PRPF4: variants seen among roughly 807,000 people sequenced by gnomAD.
The protein encoded by PRPF4 is pre-mRNA splicing tri-snRNP complex factor PRPF4.
Under a neutral mutation model 72.2 loss-of-function variants are expected in PRPF4, and 14 were observed. The ratio of observed to expected loss-of-function variants is 0.19; its 90% CI spans 0.13 to 0.30. The LOEUF is 0.30. PRPF4 is among the 10% of genes least tolerant of loss of function. The pLI, the probability that PRPF4 is intolerant of heterozygous loss-of-function variation, is 1.00. For missense variants in PRPF4, 478 were observed against 653.9 expected (o/e 0.73, Z 2.93); for synonymous variants, 225 against 232.2 (o/e 0.97, Z 0.28).
At chr9:113,289,079 C>T (rs1278839148) in intron 10 of PRPF4, among the ~76,000 whole-genome samples, 1 of 152,220 alleles carries the variant, frequency 6.6e-6, no homozygotes, top group Non-Finnish European at 1.5e-5. Flanking sequence ...GCTGATCTGA[C>T]TTCTATCACC....
Position 113,292,640 on chromosome 9 carries a change from C to T in PRPF4, c.*980C>T, listed in dbSNP as rs534354204. On this transcript the variant is annotated 3_prime_UTR_variant, in exon 14 of 14. Transcript: ENST00000374198. ...GAAGTTTGGCAACCTTCATGTTACCCCAAAGCAAAACCATTGTGTCAGGAG... is the reference window on the plus strand; with the variant it reads ...GAAGTTTGGCAACCTTCATGTTACCTCAAAGCAAAACCATTGTGTCAGGAG... 2 of 152,170 alleles carry T rather than the reference C, an allele frequency of 1.3e-5. No homozygotes were observed. Among genetic ancestry groups the T allele is most frequent in the African/African-American group, 4.8e-5 (2 of 41,508 alleles). 9.4% of individuals were successfully genotyped at this position (152,170 alleles called of 1,614,324 possible).
At chr9:113,286,134 T>A in intron 7 of PRPF4, 98 bp from the exon 8 acceptor site, 1 of 1,336,550 alleles carries the variant, frequency 7.5e-7, no homozygotes, top group Non-Finnish European at 1.1e-6. Flanking sequence ...GTAAAGTTTA[T>A]TGGGGGTGAG....
chr9:113,289,595 C>T lies in PRPF4; in HGVS notation c.1023-871C>T, dbSNP rs1442412058. 2.0e-5 allele frequency among the ~76,000 whole-genome samples: 3 copies of T among 152,130 alleles called. No homozygotes were observed. The East Asian group carries it at 5.8e-4, about 29-fold the overall frequency. The stretch of plus-strand genomic sequence containing the variant: ...TTGAGTGCTCTGTCATATGCTTTGC[C>T]TGGTTTTTTAAATTGTGTTTGTCTC... On this transcript the variant is annotated intron_variant, in intron 10 of 13. Transcript: ENST00000374198.
chr9:113,287,347 C>T (rs1167221483), intron 9 of PRPF4, among the ~76,000 whole-genome samples: 1 of 152,254 alleles, frequency 6.6e-6, no homozygotes, highest in East Asian at 1.9e-4. Context: ...TAGCAAACAG[C>T]CACAGGGGAG....
chr9:113,280,714 T>C (rs1298487526), intron 3 of PRPF4, among the ~76,000 whole-genome samples: 1 of 152,238 alleles, frequency 6.6e-6, no homozygotes. Flanking sequence ...GCCTTACTCA[T>C]GTCTCCCTTC....
Position 113,286,699 on chromosome 9 carries a change from C to A in PRPF4, c.809-6C>A. 3 of 1,614,144 alleles carry A rather than the reference C, an allele frequency of 1.9e-6. No homozygotes were observed. The highest frequency in any genetic ancestry group is 1.7e-5 in the Admixed American group (1 of 60,014). On this transcript the variant is annotated splice_polypyrimidine_tract_variant and splice_region_variant and intron_variant, in intron 8 of 13. Transcript: ENST00000374198. Reference sequence around the variant, plus strand: ...CTTTTAACTTGCATCTCTTACACTCCTTTAGGGCATAACACAAATGTAGGA... The same window carrying A: ...CTTTTAACTTGCATCTCTTACACTCATTTAGGGCATAACACAAATGTAGGA...
At chr9:113,288,153 TA>T (rs761539531) in intron 9 of PRPF4, 21 bp from the exon 10 acceptor site, 2 of 1,611,228 alleles carry the variant, frequency 1.2e-6, no homozygotes, top group Admixed American at 3.3e-5. Flanking sequence ...TAAAATTGTT[TA>T]TATGTTTGGT....
intron 7 of PRPF4, 48 bp downstream of exon 7, chr9:113,284,437 T>C (rs376738420): frequency 2.0e-6 from 3 of 1,486,156 alleles, no homozygotes; most frequent in Non-Finnish European, 2.8e-6. Context: ...GGGAACAGGC[T>C]CAGGAAGAAA....
intron 7 of PRPF4, among the ~76,000 whole-genome samples, 165 bp downstream of exon 7, chr9:113,284,554 T>C (rs1214816252): frequency 6.6e-6 from 1 of 152,224 alleles, no homozygotes; most frequent in African/African-American, 2.4e-5. Flanking sequence ...TATAATACAA[T>C]GTAGCCTTGG....
At chr9:113,282,100 T>C (rs1259376867) in intron 3 of PRPF4, among the ~76,000 whole-genome samples, 1 of 152,120 alleles carries the variant, frequency 6.6e-6, no homozygotes. Flanking sequence ...TAGTTGAATT[T>C]TGGAAATTTC....
rs567678935 is a variant in PRPF4, at chr9:113,285,553, T to A, written c.750-679T>A. Among the ~76,000 whole-genome samples, 65 of 151,428 alleles carry A rather than the reference T, an allele frequency of 4.3e-4. No individual in the cohort carries two copies. In the East Asian group the frequency reaches 7.2e-3, roughly 17 times the overall value. On this transcript the variant is annotated intron_variant, in intron 7 of 13. Coordinates refer to ENST00000374198, the MANE Select transcript of PRPF4 (RefSeq NM_001244926.2). ...GCCACCGCACCCAGCTAATTTTTTG[T>A]ATTTTTAGTAGAGACAGGGTTTCAC... is the stretch of plus-strand genomic sequence containing the variant.
chr9:113,291,304 C>G (rs1832601623), intron 13 of PRPF4, among the ~76,000 whole-genome samples, 163 bp from the exon 14 acceptor site: 1 of 152,194 alleles, frequency 6.6e-6, no homozygotes, highest in Non-Finnish European at 1.5e-5. Flanking sequence ...TGAATAGATT[C>G]TCGGTCAGGG....
Position 113,283,162 on chromosome 9 carries a change from A to G in PRPF4, c.511A>G (p.Asn171Asp). 6.2e-7 allele frequency: 1 copy of G among 1,614,222 alleles called. No homozygotes were observed. Among genetic ancestry groups the G allele is most frequent in the Non-Finnish European group, 8.5e-7 (1 of 1,180,044 alleles). ...GCAAACCTGGTATCATGAAGGACCA[A>G]ATAGCTTGAAGGTGGCAAGACTATG... ...YQQTWYHEGP[N>D]SLKVARLWIA... The change falls in exon 5 of 14, where the codon AAT becomes GAT. Residue 171 changes from asparagine (N) to aspartate (D), a missense_variant. Transcript: ENST00000374198.
intron 8 of PRPF4, 39 bp downstream of exon 8, chr9:113,286,329 A>AGT (rs1832448674): frequency 6.5e-7 from 1 of 1,541,954 alleles, no homozygotes. Flanking sequence ...TCTTTTTCCC[A>AGT]GTGTGAACTC....
At chr9:113,279,910 G>A (rs74415671) in intron 3 of PRPF4, among the ~76,000 whole-genome samples, 2,567 of 152,270 alleles carry the variant, frequency 0.017, 43 homozygotes, top group Non-Finnish European at 0.025. Context: ...TGCAGGTTGC[G>A]AAGTCTTAGT....
At chr9:113,287,836 A>G (rs1832493966) in intron 9 of PRPF4, among the ~76,000 whole-genome samples, 1 of 152,246 alleles carries the variant, frequency 6.6e-6, no homozygotes, top group African/African-American at 2.4e-5. Context: ...AATGGCCACC[A>G]AAAGGAGACT....
At chr9:113,289,988 G>C (rs951718258) in intron 10 of PRPF4, among the ~76,000 whole-genome samples, 15 of 152,202 alleles carry the variant, frequency 9.9e-5, no homozygotes, top group African/African-American at 3.6e-4. Context: ...GGAAGACCAC[G>C]GTGGGTGGAT....
intron 2 of PRPF4, 50 bp downstream of exon 2, chr9:113,276,775 C>T: frequency 6.6e-7 from 1 of 1,521,334 alleles, no homozygotes; most frequent in Non-Finnish European, 8.9e-7. Context: ...TAATGAATAC[C>T]TTTCTAAACT....
At position 113,286,777 on chromosome 9, in the gene PRPF4, A is replaced by C; in HGVS notation, c.881A>C (p.Asn294Thr). The C allele has an allele frequency of 6.2e-7, 1 of 1,614,056 alleles. No homozygotes were observed. Residue 294 changes from asparagine to threonine, a missense_variant, in exon 9 of 14, where the codon AAC becomes ACC. Physicochemically the swap from Asn to Thr is moderately conservative, Grantham distance 65. Coordinates refer to ENST00000374198, the MANE Select transcript of PRPF4 (RefSeq NM_001244926.2). Reference protein sequence around the residue: ...STVSLDPKDVNLASCAADGSV... With the variant: ...STVSLDPKDVTLASCAADGSV... ...GTCTCCTTGGACCCAAAAGATGTCA[A>C]CCTGGCCTCTTGTGCGGCTGATGGC...
Sources: gnomAD v4.1 joint callset for allele counts (sites outside exome capture counted in the v4.1 genomes callset) on GRCh38, gnomAD v4.1.1 for gene constraint, MANE v1.5 for transcripts, NCBI Gene and HGNC (gene_info 2026-07-23, HGNC 2026-07-21) for gene names.